ADK: variants seen among roughly 807,000 people sequenced by gnomAD.
ADK encodes the protein adenosine kinase.
ADK carries 24 observed loss-of-function variants against 44.7 expected under a neutral mutation model. That is an observed-to-expected ratio of 0.54 (90% CI 0.39 to 0.76). The LOEUF (loss-of-function observed/expected upper bound fraction) is 0.76, where lower values mean the gene tolerates loss of function less well. ADK is among the 30% of genes least tolerant of loss of function. The probability of loss-of-function intolerance (pLI) is 0.00; values close to 1 mark genes in which losing one functional copy is unlikely to be tolerated. For synonymous variants in ADK, 128 were observed against 142.6 expected, an observed-to-expected ratio of 0.90 and a Z score of 0.73; for missense variants, 321 against 425.1, an observed-to-expected ratio of 0.76 and a Z score of 2.15.
At position 74,167,800 on chromosome 10, in the gene ADK, C is replaced by T. The variant is rs141862173; in HGVS notation, c.65+16457C>T. On this transcript the variant is annotated intron_variant, in intron 1 of 10. Coordinates refer to ENST00000539909, the MANE Select transcript of ADK (RefSeq NM_006721.4). ...AGATATTGTTCCCATTTTAAGTCTGCCACAATTATGTAAAATAATTTAGAA... is the reference window on the plus strand; with the variant it reads ...AGATATTGTTCCCATTTTAAGTCTGTCACAATTATGTAAAATAATTTAGAA... 2.2e-3 allele frequency among the ~76,000 whole-genome samples: 329 copies of T among 152,232 alleles called. 2 individuals are homozygous for T. The highest frequency in any genetic ancestry group is 7.5e-3 in the African/African-American group (311 of 41,526).
intron 7 of ADK, chr10:74,530,601 C>G (rs1226980352): frequency 2.0e-5 from 3 of 152,184 alleles, no homozygotes; most frequent in Admixed American, 2.0e-4. Flanking sequence ...CCCCAGCTAA[C>G]TCCTTGGAGA....
chr10:74,420,451 T>A (rs1473996571), intron 6 of ADK, among the ~76,000 whole-genome samples: 1 of 152,110 alleles, frequency 6.6e-6, no homozygotes, highest in East Asian at 1.9e-4. Context: ...GACTGTAAGG[T>A]AGTTTTCTAT....
chr10:74,459,883 C>T (rs1269633729), intron 6 of ADK, among the ~76,000 whole-genome samples: 1 of 151,984 alleles, frequency 6.6e-6, no homozygotes, highest in Non-Finnish European at 1.5e-5. Context: ...TCCTGTCTCC[C>T]AATGAGTTAA....
chr10:74,551,996 C>G (rs1850049615), intron 7 of ADK, among the ~76,000 whole-genome samples: 1 of 124,760 alleles, frequency 8.0e-6, no homozygotes, highest in African/African-American at 3.9e-5. Context: ...TAAATAGTTG[C>G]TATACCATGG....
chr10:74,423,093 G>A (rs772609620), intron 6 of ADK, among the ~76,000 whole-genome samples: 5 of 152,124 alleles, frequency 3.3e-5, no homozygotes, highest in African/African-American at 7.2e-5. Flanking sequence ...CAAACACGCC[G>A]TCCTCATATA....
intron 7 of ADK, among the ~76,000 whole-genome samples, chr10:74,526,286 A>G (rs1849038335): frequency 6.6e-6 from 1 of 152,050 alleles, no homozygotes; most frequent in African/African-American, 2.4e-5. Flanking sequence ...CCAAGAATGT[A>G]TTTTCTTCCA....
chr10:74,488,600 T>G (rs1368415792), intron 6 of ADK, among the ~76,000 whole-genome samples: 1 of 151,036 alleles, frequency 6.6e-6, no homozygotes, highest in Non-Finnish European at 1.5e-5. Flanking sequence ...TTTTTTTCCT[T>G]CAGAAAATCA....
chr10:74,361,932 G>A (rs1370381800), intron 4 of ADK, among the ~76,000 whole-genome samples: 1 of 152,102 alleles, frequency 6.6e-6, no homozygotes, highest in Admixed American at 6.5e-5. Context: ...CTGCTACCAG[G>A]CATATTGGAT....
intron 2 of ADK, among the ~76,000 whole-genome samples, chr10:74,217,616 A>AC (rs950580518): frequency 2.6e-5 from 4 of 152,006 alleles, no homozygotes; most frequent in Admixed American, 6.5e-5. Context: ...ACTGGGAGGC[A>AC]CCCCCCAGTA....
At chr10:74,325,812 A>G (rs1309051577) in intron 4 of ADK, among the ~76,000 whole-genome samples, 1 of 151,976 alleles carries the variant, frequency 6.6e-6, no homozygotes, top group Non-Finnish European at 1.5e-5. Flanking sequence ...TATCCATGGG[A>G]TGAATCCACT....
rs192265297 is a variant in ADK, at chr10:74,489,753, T to C, written c.556-35503T>C. On this transcript the variant is annotated intron_variant, in intron 6 of 10. Transcript: ENST00000539909. ...CTGTACAAAACTACTTAATGATAAC[T>C]CACAAAATTAAACCAATTTATATTT... 2.6e-5 allele frequency among the ~76,000 whole-genome samples: 4 copies of C among 151,898 alleles called. No individual in the cohort carries two copies. The East Asian group carries it at 7.7e-4, about 29-fold the overall frequency.
At chr10:74,485,816 A>T (rs1456159735) in intron 6 of ADK, among the ~76,000 whole-genome samples, 1 of 152,200 alleles carries the variant, frequency 6.6e-6, no homozygotes, top group Non-Finnish European at 1.5e-5. Flanking sequence ...ATGTTTATTT[A>T]TTAGAAGACT....
intron 4 of ADK, among the ~76,000 whole-genome samples, chr10:74,363,078 G>A (rs1269719404): frequency 3.3e-5 from 5 of 152,216 alleles, no homozygotes; most frequent in Admixed American, 2.6e-4. Context: ...GCTCAGATTA[G>A]CATGCATCAC....
intron 3 of ADK, among the ~76,000 whole-genome samples, chr10:74,259,499 C>T (rs1370919011): frequency 6.9e-6 from 1 of 145,760 alleles, no homozygotes; most frequent in Non-Finnish European, 1.5e-5. Context: ...CTCTGTCACC[C>T]AGGCTGGAGT....
At chr10:74,405,082 A>G (rs1438928576) in intron 6 of ADK, among the ~76,000 whole-genome samples, 2 of 151,812 alleles carry the variant, frequency 1.3e-5, no homozygotes, top group Non-Finnish European at 2.9e-5. Context: ...TCTATGTTTT[A>G]TTTTGGATAC....
chr10:74,199,426 A>G (rs1843291234), intron 1 of ADK, among the ~76,000 whole-genome samples: 1 of 152,152 alleles, frequency 6.6e-6, no homozygotes, highest in Non-Finnish European at 1.5e-5. Context: ...TTCCACTTAT[A>G]AGTGAAAACA....
At chr10:74,497,330 A>AG (rs1373592325) in intron 6 of ADK, among the ~76,000 whole-genome samples, 4 of 152,158 alleles carry the variant, frequency 2.6e-5, no homozygotes, top group Admixed American at 1.3e-4. Flanking sequence ...ATTGTGCTGA[A>AG]GGCATGGTGT....
chr10:74,419,462 G>T (rs1029204264), intron 6 of ADK, among the ~76,000 whole-genome samples: 1 of 152,106 alleles, frequency 6.6e-6, no homozygotes, highest in Admixed American at 6.6e-5. Context: ...TAAAAATAAA[G>T]TTACATGATG....
At chr10:74,429,450 G>A (rs1045460709) in intron 6 of ADK, among the ~76,000 whole-genome samples, 14 of 152,144 alleles carry the variant, frequency 9.2e-5, no homozygotes, top group Admixed American at 3.3e-4. Flanking sequence ...GCATGAAAAA[G>A]ATGGTTAGAA....
Sources: allele counts gnomAD v4.1 joint callset (sites outside exome capture counted in the v4.1 genomes callset), GRCh38; gene constraint gnomAD v4.1.1; transcripts MANE v1.5; gene names NCBI Gene and HGNC (gene_info 2026-07-23, HGNC 2026-07-21).